Variants in TESC observed in about 807,000 individuals in gnomAD.
TESC encodes tescalcin.
Under a neutral mutation model 31.0 loss-of-function variants are expected in TESC, and 19 were observed. The ratio of observed to expected loss-of-function variants is 0.61; its 90% confidence interval spans 0.43 to 0.90. TESC has a LOEUF of 0.90. Among genes scored for constraint, TESC ranks in the 40% least tolerant of loss-of-function variants. TESC has a pLI of 0.00. For missense variants in TESC, 248 were observed against 303.8 expected (o/e 0.82, Z 1.36); for synonymous variants, 109 against 114.8 (o/e 0.95, Z 0.32).
chr12:117,084,785 T>C (rs1955193522), intron 1 of TESC, among the ~76,000 whole-genome samples: 1 of 152,108 alleles, frequency 6.6e-6, no homozygotes, highest in Non-Finnish European at 1.5e-5. Flanking sequence ...ACCAGGACTC[T>C]GTGAGCCTGT....
chr12:117,081,733 A>G (rs1955150957), intron 1 of TESC, among the ~76,000 whole-genome samples: 1 of 151,812 alleles, frequency 6.6e-6, no homozygotes, highest in African/African-American at 2.4e-5. Flanking sequence ...GTGAAACCCC[A>G]TCTCTACTAA....
At position 117,075,905 on chromosome 12, in the gene TESC, ATATATATATG is replaced by A. The variant is rs1447989157; in HGVS notation, c.59-575_59-566del. 9.5e-4 allele frequency among the ~76,000 whole-genome samples: 73 copies of A among 76,682 alleles called. 2 individuals carry two copies. Among genetic ancestry groups the A allele is most frequent in the Admixed American group, 5.1e-3 (40 of 7,910 alleles). 50.3% of individuals were successfully genotyped at this position (76,682 alleles called of 152,430 possible). A position where few individuals can be genotyped will look rare whatever the true frequency, so the allele number is the denominator to read the frequency against. On this transcript the variant is annotated intron_variant, in intron 1 of 7. Coordinates refer to ENST00000335209, the MANE Select transcript of TESC (RefSeq NM_017899.4). ...TATATATATATATATATATATATAT[ATATATATATG>A]TGTGTGTGTATATATATATATATAT...
intron 2 of TESC, among the ~76,000 whole-genome samples, chr12:117,061,860 C>T (rs1215019726): frequency 6.6e-6 from 1 of 152,096 alleles, no homozygotes; most frequent in African/African-American, 2.4e-5. Context: ...TTACCAGGCA[C>T]ATGGTCTTGA....
At chr12:117,063,465 T>G (rs1017317781) in intron 2 of TESC, among the ~76,000 whole-genome samples, 7 of 152,098 alleles carry the variant, frequency 4.6e-5, no homozygotes, top group Non-Finnish European at 7.4e-5. Flanking sequence ...GGGCTCTTCC[T>G]CAAGCCTCGT....
chr12:117,083,359 G>C (rs767777090), intron 1 of TESC, among the ~76,000 whole-genome samples: 12 of 152,166 alleles, frequency 7.9e-5, no homozygotes, highest in Non-Finnish European at 1.5e-4. Context: ...AATTACAGGC[G>C]TGAGCCACTG....
At chr12:117,064,530 T>C (rs1954846130) in intron 2 of TESC, among the ~76,000 whole-genome samples, 1 of 152,150 alleles carries the variant, frequency 6.6e-6, no homozygotes, top group Non-Finnish European at 1.5e-5. Flanking sequence ...GCGACAAGCA[T>C]TCGAGCCCCT....
At chr12:117,041,639 G>A (rs955167183) in intron 7 of TESC, among the ~76,000 whole-genome samples, 1 of 152,184 alleles carries the variant, frequency 6.6e-6, no homozygotes, top group Non-Finnish European at 1.5e-5. Flanking sequence ...AGCCTACAAC[G>A]GGGGTTACTT....
At chr12:117,046,428 T>C in intron 6 of TESC, 131 bp downstream of exon 6, 1 of 885,586 alleles carries the variant, frequency 1.1e-6, no homozygotes, top group Non-Finnish European at 1.7e-6. Context: ...GAGAGGTTCC[T>C]GAGCCCCACA....
intron 2 of TESC, among the ~76,000 whole-genome samples, chr12:117,070,679 A>G (rs1162023306): frequency 1.3e-5 from 2 of 152,204 alleles, no homozygotes; most frequent in Non-Finnish European, 2.9e-5. Flanking sequence ...GGCCAGGTAC[A>G]TGGCCTCTCT....
chr12:117,048,658 A>G (rs750961951), intron 4 of TESC: 6 of 473,210 alleles, frequency 1.3e-5, no homozygotes, highest in Non-Finnish European at 2.5e-5. Context: ...CCCAGCCCTC[A>G]GAACCACGCA....
chr12:117,097,912 A>G (rs576357150), intron 1 of TESC, among the ~76,000 whole-genome samples: 161 of 152,286 alleles, frequency 1.1e-3, no homozygotes, highest in Non-Finnish European at 2.0e-3. Flanking sequence ...AAACAGAAAA[A>G]AGGGTACCAT....
intron 2 of TESC, among the ~76,000 whole-genome samples, chr12:117,070,447 G>C (rs752483331): frequency 3.3e-5 from 5 of 152,148 alleles, no homozygotes; most frequent in Admixed American, 6.5e-5. Flanking sequence ...CTGTCACTAT[G>C]TGCAGCTGAC....
rs1955440214 is a variant in TESC at position 117,099,283 on chromosome 12, G to C, written c.-1C>G. 1.4e-6 allele frequency: 2 copies of C among 1,440,046 alleles called. No homozygotes were observed. Among genetic ancestry groups the C allele is most frequent in the Non-Finnish European group, 9.1e-7 (1 of 1,102,790 alleles). The allele number at this position is 1,440,046 out of a possible 1,614,324, so 89.2% of individuals were successfully genotyped here. A position where few individuals can be genotyped will look rare whatever the true frequency, so the allele number is the denominator to read the frequency against. ...CAGACGCGGAGTGGGCAGCGCCCAT[G>C]GTGCCCGCGGCGGGGGCCCCGGGGC... On this transcript the variant is annotated 5_prime_UTR_variant, in exon 1 of 8. Coordinates refer to ENST00000335209, the MANE Select transcript of TESC (RefSeq NM_017899.4).
rs186073625 is a variant in TESC at position 117,051,585 on chromosome 12, C to T, written c.210-2427G>A. ...ATTTACAGAGCATAAAAATAGCCCC[C>T]GGACTTATCGGGCTGCTCTGAAAGC... is the stretch of plus-strand genomic sequence containing the variant. On this transcript the variant is annotated intron_variant, in intron 3 of 7. Transcript: ENST00000335209. Among the ~76,000 whole-genome samples the T allele has an allele frequency of 3.2e-3, 483 of 152,338 alleles. 1 individual carries two copies. Among genetic ancestry groups the T allele is most frequent in the Middle Eastern group, 6.8e-3 (2 of 294 alleles).
chr12:117,049,127 C>T lies in TESC; in HGVS notation c.241G>A (p.Asp81Asn). Residue 81 changes from aspartate to asparagine, a missense_variant, in exon 4 of 8, where the codon GAT (aspartate) becomes AAT (asparagine). Transcript: ENST00000335209. ...AGGAAGTCCTCGAAATTGATCTCAT[C>T]AGCCAGGCCACTGGGTCCCTTGCGC... ...NLRKGPSGLA[D>N]EINFEDFLTI... The T allele has an allele frequency of 6.2e-7, 1 of 1,614,246 alleles. No individual in the cohort carries two copies. Among genetic ancestry groups the T allele is most frequent in the Non-Finnish European group, 8.5e-7 (1 of 1,180,038 alleles).
chr12:117,062,188 C>T (rs1954808442), intron 2 of TESC, among the ~76,000 whole-genome samples: 1 of 152,090 alleles, frequency 6.6e-6, no homozygotes, highest in Non-Finnish European at 1.5e-5. Flanking sequence ...TTCACAACAA[C>T]CCTATAAAGT....
chr12:117,045,287 G>A (rs958987705), intron 6 of TESC, among the ~76,000 whole-genome samples: 1 of 152,264 alleles, frequency 6.6e-6, no homozygotes, highest in East Asian at 1.9e-4. Context: ...GCCCCGAGAT[G>A]CCTCTGCTTC....
chr12:117,084,722 CCT>C (rs1304430006), intron 1 of TESC, among the ~76,000 whole-genome samples: 24 of 152,220 alleles, frequency 1.6e-4, no homozygotes, highest in Admixed American at 6.5e-5. Context: ...GCCTCCCTCC[CCT>C]GACTCAGGAG....
chr12:117,056,991 GC>G, intron 2 of TESC, 105 bp from the exon 3 acceptor site: 1 of 1,051,790 alleles, frequency 9.5e-7, no homozygotes, highest in Non-Finnish European at 1.5e-6. Context: ...TCCCTAACAG[GC>G]CCCCACAAGA....
Sources: gnomAD v4.1 joint callset for allele counts (sites outside exome capture counted in the v4.1 genomes callset) on GRCh38, gnomAD v4.1.1 for gene constraint, MANE v1.5 for transcripts, NCBI Gene and HGNC (gene_info 2026-07-23, HGNC 2026-07-21) for gene names.